The following PLXNA4 variants were observed in gnomAD, a reference collection of about 807,000 sequenced individuals.
PLXNA4 encodes the protein plexin A4.
Under a neutral mutation model 191.8 loss-of-function variants are expected in PLXNA4, and 44 were observed. The observed-to-expected ratio is 0.23, with a 90% CI of 0.18 to 0.29. The LOEUF (loss-of-function observed/expected upper bound fraction) is 0.29. PLXNA4 is among the 10% of genes least tolerant of loss of function. The pLI is 1.00. For missense variants in PLXNA4, 1,800 were observed against 2,488.8 expected (o/e 0.72, Z 5.89); for synonymous variants, 1,082 against 1,009.5 (o/e 1.07, Z -1.36).
chr7:132,409,407 T>C (rs939427493), intron 3 of PLXNA4, among the ~76,000 whole-genome samples: 48 of 152,186 alleles, frequency 3.2e-4, no homozygotes, highest in African/African-American at 1.1e-3. Flanking sequence ...TTGTCCGTTA[T>C]GAGCATGGGG....
At chr7:132,350,804 G>C (rs1040351809) in intron 3 of PLXNA4, among the ~76,000 whole-genome samples, 2 of 152,048 alleles carry the variant, frequency 1.3e-5, no homozygotes, top group African/African-American at 4.8e-5. Context: ...CAAGACAAAT[G>C]AAAACATATA....
chr7:132,353,988 C>T (rs980291282), intron 3 of PLXNA4, among the ~76,000 whole-genome samples: 1 of 152,136 alleles, frequency 6.6e-6, no homozygotes, highest in African/African-American at 2.4e-5. Context: ...TTTCTTCTCC[C>T]GTCCAACCCC....
At chr7:132,588,633 A>AGGG (rs1340110197) in intron 2 of PLXNA4, among the ~76,000 whole-genome samples, 4 of 96,794 alleles carry the variant, frequency 4.1e-5, no homozygotes, top group Admixed American at 1.1e-4. Context: ...TTGAGGAAGG[A>AGGG]AGGAAGGGAA....
At chr7:132,619,337 A>G (rs1477911629) in intron 2 of PLXNA4, among the ~76,000 whole-genome samples, 1 of 152,182 alleles carries the variant, frequency 6.6e-6, no homozygotes, top group Non-Finnish European at 1.5e-5. Flanking sequence ...TACATGAAAT[A>G]CAATCTCACG....
intron 3 of PLXNA4, among the ~76,000 whole-genome samples, chr7:132,319,163 AC>A (rs1802067219): frequency 6.6e-6 from 1 of 152,052 alleles, no homozygotes; most frequent in Admixed American, 6.6e-5. Context: ...AAAGGGGGAA[AC>A]CTACTAACGT....
chr7:132,180,008 AG>A, intron 19 of PLXNA4, 87 bp from the exon 20 acceptor site: 1 of 1,478,304 alleles, frequency 6.8e-7, no homozygotes, highest in Non-Finnish European at 9.0e-7. Flanking sequence ...ACTAGTGACC[AG>A]GGCAGGATGA....
chr7:132,237,889 G>T (rs1419159000), intron 5 of PLXNA4, among the ~76,000 whole-genome samples: 1 of 152,200 alleles, frequency 6.6e-6, no homozygotes, highest in East Asian at 1.9e-4. Context: ...ACAGGGCAGT[G>T]AAAAATTTGA....
chr7:132,318,878 C>G (rs574814678), intron 3 of PLXNA4, among the ~76,000 whole-genome samples: 1 of 152,010 alleles, frequency 6.6e-6, no homozygotes, highest in Non-Finnish European at 1.5e-5. Flanking sequence ...TGGTCTTTAA[C>G]AAGTGTGGAC....
chr7:132,612,984 T>C (rs1374853475), intron 2 of PLXNA4, among the ~76,000 whole-genome samples: 1 of 151,384 alleles, frequency 6.6e-6, no homozygotes, highest in Non-Finnish European at 1.5e-5. Context: ...TGTAACACTA[T>C]GAGAAAAAAA....
intron 3 of PLXNA4, among the ~76,000 whole-genome samples, chr7:132,468,365 A>G (rs993595658): frequency 6.6e-5 from 10 of 152,192 alleles, no homozygotes; most frequent in Admixed American, 5.2e-4. Flanking sequence ...GTGCTTATAC[A>G]TATGCCGTAT....
chr7:132,185,451 G>T lies in PLXNA4; in HGVS notation c.3006C>A (p.Ser1002=), dbSNP rs760271273. Residue 1002 remains serine (S), a synonymous_variant, in exon 16 of 32, where the codon TCC becomes TCA. Coordinates refer to ENST00000321063, the MANE Select transcript of PLXNA4 (RefSeq NM_020911.2). ...AGGATGTGGTGTTGCAGACAATGTA[G>T]GATGGAGATCGCCTGGAGGGCAGGA... The part of the protein sequence containing the change: ...QPCLFHRRSP[S]YIVCNTTSSD... The T allele has an allele frequency of 2.5e-6, 4 of 1,613,016 alleles. No individual in the cohort carries two copies. The highest frequency in any genetic ancestry group is 2.5e-6 in the Non-Finnish European group (3 of 1,179,606).
chr7:132,526,784 G>A (rs1201512463), intron 1 of PLXNA4, among the ~76,000 whole-genome samples: 2 of 152,142 alleles, frequency 1.3e-5, no homozygotes, highest in Non-Finnish European at 2.9e-5. Flanking sequence ...TAGGACTGAT[G>A]GCACACCTTC....
At position 132,144,477 on chromosome 7, in the gene PLXNA4, A is replaced by C. The variant is rs532392086; in HGVS notation, c.5225+642T>G. The stretch of plus-strand genomic sequence containing the variant: ...GAGAATCCTGTTGTCTCAAAGGAAG[A>C]CATAGTGGTTAAGGGCAGGTCTCTT... On this transcript the variant is annotated intron_variant, in intron 29 of 31. Coordinates refer to ENST00000321063, the MANE Select transcript of PLXNA4 (RefSeq NM_020911.2). 1.4e-4 allele frequency among the ~76,000 whole-genome samples: 22 copies of C among 152,360 alleles called. No individual in the cohort carries two copies. In the South Asian group the frequency reaches 1.5e-3, roughly 10 times the overall value.
At chr7:132,195,103 G>A (rs1009077502) in intron 13 of PLXNA4, among the ~76,000 whole-genome samples, 1 of 151,928 alleles carries the variant, frequency 6.6e-6, no homozygotes, top group African/African-American at 2.4e-5. Context: ...TCATATGCAG[G>A]CACACATGAA....
At chr7:132,501,764 G>A (rs538110729) in intron 2 of PLXNA4, among the ~76,000 whole-genome samples, 65 of 152,214 alleles carry the variant, frequency 4.3e-4, no homozygotes, top group Non-Finnish European at 8.5e-4. Context: ...GCTGTGATAT[G>A]TCAGGCACCC....
intron 2 of PLXNA4, among the ~76,000 whole-genome samples, chr7:132,502,889 C>T (rs1417850329): frequency 6.6e-6 from 1 of 152,176 alleles, no homozygotes; most frequent in African/African-American, 2.4e-5. Context: ...CTGCCCTCTG[C>T]TCCCACTACT....
At chr7:132,356,200 A>G (rs1250736666) in intron 3 of PLXNA4, among the ~76,000 whole-genome samples, 2 of 152,140 alleles carry the variant, frequency 1.3e-5, no homozygotes, top group African/African-American at 4.8e-5. Flanking sequence ...TTTTTTCCCA[A>G]CTGGGCCCTC....
At chr7:132,634,738 C>A (rs983274444) in intron 2 of PLXNA4, among the ~76,000 whole-genome samples, 2 of 152,186 alleles carry the variant, frequency 1.3e-5, no homozygotes, top group Middle Eastern at 3.2e-3. Context: ...CCACCTCTCA[C>A]GTAGTCTGGG....
chr7:132,570,324 G>A (rs150225072), intron 1 of PLXNA4, among the ~76,000 whole-genome samples: 114 of 152,256 alleles, frequency 7.5e-4, no homozygotes, highest in African/African-American at 2.6e-3. Flanking sequence ...CAGGCAGGCT[G>A]CTTCAGTTGC....
Sources: allele counts gnomAD v4.1 joint callset (sites outside exome capture counted in the v4.1 genomes callset), GRCh38; gene constraint gnomAD v4.1.1; transcripts MANE v1.5; gene names NCBI Gene and HGNC (gene_info 2026-07-23, HGNC 2026-07-21).